Variants in PCDH15 observed in about 807,000 individuals in gnomAD.
PCDH15 encodes protocadherin-15.
In PCDH15, 129 loss-of-function variants were observed where a neutral mutation model predicts 178.5. The observed-to-expected ratio is 0.72, with a 90% CI of 0.63 to 0.84. PCDH15 has a LOEUF of 0.84. PCDH15 is among the 40% of genes least tolerant of loss of function. The probability of loss-of-function intolerance (pLI) is 0.00; values close to 1 mark genes in which losing one functional copy is unlikely to be tolerated. For missense variants in PCDH15, 2,230 were observed against 2,099.9 expected (o/e 1.06, Z -1.21); for synonymous variants, 800 against 732.0 (o/e 1.09, Z -1.50).
At chr10:54,393,101 G>T (rs1950761282) in intron 3 of PCDH15, among the ~76,000 whole-genome samples, 1 of 152,188 alleles carries the variant, frequency 6.6e-6, no homozygotes, top group East Asian at 1.9e-4. Flanking sequence ...TTGCAAGCCT[G>T]TTTTAATCTC....
At chr10:54,857,227 C>T (rs1039844678) in intron 3 of PCDH15, among the ~76,000 whole-genome samples, 16 of 151,942 alleles carry the variant, frequency 1.1e-4, no homozygotes, top group Non-Finnish European at 4.4e-5. Flanking sequence ...GTCATAAAAC[C>T]GGTTTATAGA....
At chr10:54,519,783 G>A (rs1004475699) in intron 3 of PCDH15, among the ~76,000 whole-genome samples, 4 of 152,124 alleles carry the variant, frequency 2.6e-5, no homozygotes, top group African/African-American at 9.7e-5. Context: ...CAACAAAGCT[G>A]GAGGCATCAC....
At position 54,609,212 on chromosome 10, in the gene PCDH15, G is replaced by A. The variant is rs530524690; in HGVS notation, c.91+54960C>T. Among the ~76,000 whole-genome samples, 463 of 152,058 alleles carry A rather than the reference G, an allele frequency of 3.0e-3. 1 individual carries two copies. Among genetic ancestry groups the A allele is most frequent in the Admixed American group, 8.3e-3 (127 of 15,232 alleles). On this transcript the variant is annotated intron_variant, in intron 2 of 37. Coordinates refer to ENST00000644397, the MANE Select transcript of PCDH15 (RefSeq NM_001384140.1). ...GAAAATTTTTGGTAATGTCTGACCT[G>A]AAGGCAGATATTCATTATAATAGTC... is the stretch of plus-strand genomic sequence containing the variant.
intron 8 of PCDH15, among the ~76,000 whole-genome samples, chr10:54,280,399 A>G (rs1350044974): frequency 6.6e-6 from 1 of 151,084 alleles, no homozygotes; most frequent in East Asian, 1.9e-4. Context: ...TCTCTGCTTC[A>G]TATTTCCTTC....
At chr10:54,294,366 T>C (rs914732150) in intron 8 of PCDH15, among the ~76,000 whole-genome samples, 1 of 152,098 alleles carries the variant, frequency 6.6e-6, no homozygotes, top group East Asian at 1.9e-4. Context: ...CTAATGTAAA[T>C]GACGAGTTAA....
intron 13 of PCDH15, among the ~76,000 whole-genome samples, chr10:54,169,754 G>T (rs576256787): frequency 6.6e-6 from 1 of 151,812 alleles, no homozygotes; most frequent in Non-Finnish European, 1.5e-5. Context: ...ATCCCATCCC[G>T]CAGCACGCTT....
chr10:54,300,645 G>A (rs918706138), intron 8 of PCDH15, among the ~76,000 whole-genome samples: 3 of 152,148 alleles, frequency 2.0e-5, no homozygotes, highest in Non-Finnish European at 4.4e-5. Context: ...CTGAGCTTCT[G>A]GGTCGGATGG....
chr10:54,714,484 T>G (rs567934496), intron 1 of PCDH15, among the ~76,000 whole-genome samples: 9 of 152,204 alleles, frequency 5.9e-5, no homozygotes, highest in Non-Finnish European at 1.2e-4. Context: ...CAAAACTGTT[T>G]TGTAAAAAGG....
At chr10:55,103,089 T>C (rs1842607938) in intron 2 of PCDH15, among the ~76,000 whole-genome samples, 1 of 149,924 alleles carries the variant, frequency 6.7e-6, no homozygotes, top group Non-Finnish European at 1.5e-5. Flanking sequence ...TAGAAATATA[T>C]GGTAATTTCT....
At chr10:54,055,285 A>G (rs2660151) in intron 18 of PCDH15, among the ~76,000 whole-genome samples, 31,752 of 152,074 alleles carry the variant, frequency 0.21, 3,493 homozygotes, top group Non-Finnish European at 0.23. Flanking sequence ...TCAGCCTCTT[A>G]TTTAGAACTG....
Position 54,020,343 on chromosome 10 carries a change from A to G in PCDH15, c.2600T>C (p.Leu867Pro), listed in dbSNP as rs1297704381. 7 of 1,613,858 alleles carry G rather than the reference A, an allele frequency of 4.3e-6. No homozygotes were observed. Among genetic ancestry groups the G allele is most frequent in the Non-Finnish European group, 5.1e-6 (6 of 1,179,810 alleles). Residue 867 changes from leucine (L) to proline (P), a missense_variant, in exon 20 of 38, where the codon CTA (leucine) becomes CCA (proline). Physicochemically the swap from Leu to Pro is moderately conservative, Grantham distance 98. Transcript: ENST00000644397. ...RSPEVKHFFA[L>P]HPFTGELSLL... ...CGATAGTTCTCCTGTAAATGGATGTAGTGCAAAAAAGTGCTTCACTTCTGG... is the reference window on the plus strand; with the variant it reads ...CGATAGTTCTCCTGTAAATGGATGTGGTGCAAAAAAGTGCTTCACTTCTGG...
At chr10:55,313,983 C>T (rs1186386411) in intron 1 of PCDH15, among the ~76,000 whole-genome samples, 1 of 151,846 alleles carries the variant, frequency 6.6e-6, no homozygotes, top group Non-Finnish European at 1.5e-5. Context: ...TTTCACAATA[C>T]AGGAACATAA....
chr10:53,990,497 T>C (rs1301267715), intron 21 of PCDH15, among the ~76,000 whole-genome samples: 3 of 149,094 alleles, frequency 2.0e-5, no homozygotes. Context: ...ATTCTCACAA[T>C]GTTATATATA....
chr10:55,073,586 A>G (rs1444334839), intron 2 of PCDH15, among the ~76,000 whole-genome samples: 1 of 152,106 alleles, frequency 6.6e-6, no homozygotes, highest in Non-Finnish European at 1.5e-5. Context: ...TATCTTCATC[A>G]GGGACATTGG....
chr10:55,214,299 TATC>T (rs1445962210), intron 1 of PCDH15, among the ~76,000 whole-genome samples: 3 of 147,848 alleles, frequency 2.0e-5, no homozygotes, highest in Middle Eastern at 7.0e-3. Flanking sequence ...TATATAGCCT[TATC>T]ATTTTTTTAT....
At chr10:55,082,876 A>G (rs1842077695) in intron 2 of PCDH15, among the ~76,000 whole-genome samples, 1 of 151,998 alleles carries the variant, frequency 6.6e-6, no homozygotes, top group African/African-American at 2.4e-5. Context: ...ATAGGCCAAT[A>G]GCAAGTAATG....
At chr10:55,608,326 G>A (rs1015331617) in intron 2 of PCDH15, among the ~76,000 whole-genome samples, 1 of 150,654 alleles carries the variant, frequency 6.6e-6, no homozygotes, top group Non-Finnish European at 1.5e-5. Flanking sequence ...GGGGAAGAGG[G>A]GAGAGGAGAG....
intron 2 of PCDH15, among the ~76,000 whole-genome samples, chr10:55,381,132 G>C (rs1837524158): frequency 6.6e-6 from 1 of 152,214 alleles, no homozygotes; most frequent in African/African-American, 2.4e-5. Flanking sequence ...TCTCCTCCAG[G>C]CAGGAGCAGA....
intron 29 of PCDH15, 23 bp downstream of exon 29, chr10:53,840,297 T>C: frequency 6.2e-7 from 1 of 1,610,440 alleles, no homozygotes; most frequent in East Asian, 2.2e-5. Context: ...AAAGAGCTGT[T>C]ACAGATAACA....
Sources: allele counts gnomAD v4.1 joint callset (sites outside exome capture counted in the v4.1 genomes callset), GRCh38; gene constraint gnomAD v4.1.1; transcripts MANE v1.5; gene names NCBI Gene and HGNC (gene_info 2026-07-23, HGNC 2026-07-21).